Variants in CUL3 observed in about 807,000 individuals in gnomAD.
The protein encoded by CUL3 is cullin 3.
In CUL3, 19 loss-of-function variants were observed where a neutral mutation model predicts 89.1. The ratio of observed to expected loss-of-function variants is 0.21; its 90% CI spans 0.15 to 0.31. The LOEUF (loss-of-function observed/expected upper bound fraction) is 0.31, where lower values mean the gene tolerates loss of function less well. CUL3 is among the 10% of genes least tolerant of loss of function. The probability of loss-of-function intolerance (pLI) is 1.00; values close to 1 mark genes in which losing one functional copy is unlikely to be tolerated. For missense variants in CUL3, 469 were observed against 942.3 expected (o/e 0.50, Z 6.58); for synonymous variants, 351 against 308.4 (o/e 1.14, Z -1.45).
chr2:224,538,692 C>T (rs925737145), intron 2 of CUL3, among the ~76,000 whole-genome samples: 1 of 152,116 alleles, frequency 6.6e-6, no homozygotes, highest in African/African-American at 2.4e-5. Flanking sequence ...CATGGAAGAA[C>T]AAGTAGCAAC....
At chr2:224,494,587 A>C (rs542134962) in intron 13 of CUL3, among the ~76,000 whole-genome samples, 1 of 152,240 alleles carries the variant, frequency 6.6e-6, no homozygotes, top group Non-Finnish European at 1.5e-5. Context: ...GCATAAAAAT[A>C]GACCCACCCA....
chr2:224,585,345 C>G lies in CUL3; in HGVS notation c.-336G>C, dbSNP rs1256865173. The G allele has an allele frequency of 2.2e-5, 9 of 401,724 alleles. No individual in the cohort carries two copies. Among genetic ancestry groups the G allele is most frequent in the Non-Finnish European group, 4.4e-6 (1 of 228,938 alleles). The allele number at this position is 401,724 out of a possible 1,614,324, so 24.9% of individuals were successfully genotyped here. A position where few individuals can be genotyped will look rare whatever the true frequency, so the allele number is the denominator to read the frequency against. On this transcript the variant is annotated 5_prime_UTR_variant, in exon 1 of 16. Coordinates refer to ENST00000264414, the MANE Select transcript of CUL3 (RefSeq NM_003590.5). ...GGCGACGGACAAACATCTCACTGCG[C>G]AGGCCGAACGTCGTCCTCCTCCTCC... is the stretch of plus-strand genomic sequence containing the variant.
chr2:224,478,085 T>G (rs1356027525), intron 15 of CUL3, 115 bp downstream of exon 15: 2 of 1,062,034 alleles, frequency 1.9e-6, no homozygotes, highest in Non-Finnish European at 2.6e-6. Flanking sequence ...TCATAAGTGT[T>G]ACATCACTAG....
rs1691392748 is a variant in CUL3, at chr2:224,478,180, C to T, written c.2175+20G>A. 1.3e-6 allele frequency: 2 copies of T among 1,579,118 alleles called. No individual in the cohort carries two copies. Among genetic ancestry groups the T allele is most frequent in the Non-Finnish European group, 1.7e-6 (2 of 1,161,114 alleles). ...TGTTACTGTTTTTTCTATATTAGCC[C>T]AGTAGTGAAGAGTCCTCACCTCCGC... is the stretch of plus-strand genomic sequence containing the variant. On this transcript the variant is annotated intron_variant, in intron 15 of 15. Transcript: ENST00000264414.
intron 1 of CUL3, among the ~76,000 whole-genome samples, chr2:224,568,228 AT>A (rs1695094500): frequency 6.6e-6 from 1 of 152,186 alleles, no homozygotes; most frequent in African/African-American, 2.4e-5. Flanking sequence ...TGTAAACTGT[AT>A]TTACTTAACT....
intron 3 of CUL3, among the ~76,000 whole-genome samples, chr2:224,527,356 C>G (rs953309635): frequency 6.6e-6 from 1 of 152,142 alleles, no homozygotes; most frequent in African/African-American, 2.4e-5. Context: ...CATGAGAAAA[C>G]ACAGACCCAC....
At chr2:224,530,329 C>G (rs1015837021) in intron 3 of CUL3, among the ~76,000 whole-genome samples, 6 of 148,276 alleles carry the variant, frequency 4.0e-5, no homozygotes, top group African/African-American at 7.3e-5. Flanking sequence ...TTTCTTCTCT[C>G]CTCCTGCTCT....
Position 224,474,393 on chromosome 2 carries a change from A to G in CUL3, c.2176-17T>C. The stretch of plus-strand genomic sequence containing the variant: ...CTGAGTTACCTAAAAAAGAAAGTAG[A>G]TAGTATTTTTATATAAACACATAAA... On this transcript the variant is annotated splice_polypyrimidine_tract_variant and intron_variant, in intron 15 of 15. Transcript: ENST00000264414. The G allele has an allele frequency of 6.2e-7, 1 of 1,609,080 alleles. No homozygotes were observed. Among genetic ancestry groups the G allele is most frequent in the South Asian group, 1.1e-5 (1 of 90,516 alleles).
At chr2:224,489,236 T>C (rs975702063) in intron 13 of CUL3, among the ~76,000 whole-genome samples, 3 of 152,278 alleles carry the variant, frequency 2.0e-5, no homozygotes, top group East Asian at 3.9e-4. Context: ...CTATTCAACA[T>C]AGGATTGCAA....
intron 15 of CUL3, among the ~76,000 whole-genome samples, chr2:224,475,412 T>C (rs796171690): frequency 1.4e-4 from 21 of 152,140 alleles, no homozygotes; most frequent in African/African-American, 5.1e-4. Flanking sequence ...AAGTAGTAAA[T>C]AACAGAGCCA....
chr2:224,570,608 T>C (rs1180201118), intron 1 of CUL3, among the ~76,000 whole-genome samples: 1 of 151,350 alleles, frequency 6.6e-6, no homozygotes, highest in Non-Finnish European at 1.5e-5. Flanking sequence ...CAGATGGGAG[T>C]GGGGGAGTGC....
In CUL3 at chr2:224,495,864, G is replaced by C. The variant is rs2106179659; in HGVS notation, c.1810C>G (p.Leu604Val). 2.5e-6 allele frequency: 4 copies of C among 1,610,286 alleles called. No individual in the cohort carries two copies. The highest frequency in any genetic ancestry group is 3.4e-6 in the Non-Finnish European group (4 of 1,176,664). Residue 604 changes from leucine to valine, a missense_variant, in exon 13 of 16, where the codon CTC becomes GTC. Leu to Val is a conservative substitution (Grantham distance 32). Around this residue, in one of 4 missense-constraint regions of CUL3, gnomAD observed 370 missense variants for 733.2 expected, o/e 0.50. Coordinates refer to ENST00000264414, the MANE Select transcript of CUL3 (RefSeq NM_003590.5). ...VSTFQMTILM[L>V]FNNREKYTFE... ...GTGTATTTTTCTCTATTATTAAAGAGCATTAATATGGTCATCTGGAAAGTG... is the reference window on the plus strand; with the variant it reads ...GTGTATTTTTCTCTATTATTAAAGACCATTAATATGGTCATCTGGAAAGTG...
At chr2:224,510,810 C>T (rs1692795850) in intron 6 of CUL3, among the ~76,000 whole-genome samples, 1 of 152,212 alleles carries the variant, frequency 6.6e-6, no homozygotes, top group South Asian at 2.1e-4. Context: ...CTTTTATGCA[C>T]TCCTCCTTCC....
intron 1 of CUL3, among the ~76,000 whole-genome samples, chr2:224,564,943 C>T (rs1440599117): frequency 1.3e-5 from 2 of 152,040 alleles, no homozygotes; most frequent in Non-Finnish European, 2.9e-5. Flanking sequence ...TATATTTTTT[C>T]TTATCTCTCA....
intron 10 of CUL3, 139 bp downstream of exon 10, chr2:224,502,826 T>C (rs1692442961): frequency 1.6e-6 from 1 of 623,158 alleles, no homozygotes; most frequent in African/African-American, 1.8e-5. Context: ...TGAAGGAAAA[T>C]TAAGTACTCA....
intron 14 of CUL3, among the ~76,000 whole-genome samples, chr2:224,481,312 T>TC (rs2106149947): frequency 6.6e-6 from 1 of 152,014 alleles, no homozygotes; most frequent in South Asian, 2.1e-4. Flanking sequence ...GTGCCTTTTT[T>TC]CCCCTTTAAA....
rs2106206684 is a variant in CUL3, at chr2:224,507,012, C to A, written c.884-9G>T. 8 of 1,605,666 alleles carry A rather than the reference C, an allele frequency of 5.0e-6. No individual in the cohort carries two copies. The highest frequency in any genetic ancestry group is 6.8e-6 in the Non-Finnish European group (8 of 1,177,026). On this transcript the variant is annotated splice_polypyrimidine_tract_variant and intron_variant, in intron 6 of 15. Transcript: ENST00000264414. ...GTACATGCAACCAAGGTCTACAAAT[C>A]AGAAAACACAAATTGGCTACATTAA...
intron 1 of CUL3, among the ~76,000 whole-genome samples, chr2:224,575,944 T>C (rs1015898047): frequency 6.6e-6 from 1 of 152,194 alleles, no homozygotes; most frequent in East Asian, 1.9e-4. Context: ...AATAAATGAA[T>C]GACTTCCACA....
chr2:224,534,748 C>T lies in CUL3; in HGVS notation c.378+780G>A, dbSNP rs543969391. 9.9e-5 allele frequency among the ~76,000 whole-genome samples: 15 copies of T among 151,852 alleles called. 2 individuals carry two copies. Among genetic ancestry groups the T allele is most frequent in the African/African-American group, 3.1e-4 (13 of 41,408 alleles). ...CTGTAATCCCAGCACTTTGGGAGGC[C>T]GAGGTGGGCAGATCACCAGGTCAGG... On this transcript the variant is annotated intron_variant, in intron 3 of 15. Transcript: ENST00000264414.
Sources: allele counts gnomAD v4.1 joint callset (sites outside exome capture counted in the v4.1 genomes callset), GRCh38; gene constraint gnomAD v4.1.1; regional missense constraint gnomAD v4.1.1; transcripts MANE v1.5; gene names NCBI Gene and HGNC (gene_info 2026-07-23, HGNC 2026-07-21).